The following LAMA3 variants were observed in gnomAD, a reference collection of about 807,000 sequenced individuals.
LAMA3 encodes the protein laminin subunit alpha-3.
In LAMA3, 281 loss-of-function variants were observed where a neutral mutation model predicts 402.0. The ratio of observed to expected loss-of-function variants is 0.70; its 90% CI spans 0.63 to 0.77. LAMA3 has a LOEUF of 0.77. LAMA3 is among the 30% of genes least tolerant of loss of function. LAMA3 has a pLI of 0.00. For missense variants in LAMA3, 3,840 were observed against 4,215.5 expected, an observed-to-expected ratio of 0.91 and a Z score of 2.47; for synonymous variants, 1,431 against 1,558.4, an observed-to-expected ratio of 0.92 and a Z score of 1.93.
At chr18:23,884,886 A>G in intron 41 of LAMA3, 33 bp downstream of exon 41, 1 of 1,554,680 alleles carries the variant, frequency 6.4e-7, no homozygotes, top group Non-Finnish European at 8.8e-7. Flanking sequence ...CTCAGCCTGC[A>G]GAGGGGGCGG....
At chr18:23,819,757 T>C in intron 18 of LAMA3, 84 bp from the exon 19 acceptor site, 3 of 1,208,456 alleles carry the variant, frequency 2.5e-6, no homozygotes, top group Non-Finnish European at 3.7e-6. Flanking sequence ...TGGAGTTCTT[T>C]CATAGTAACT....
At chr18:23,938,199 T>G (rs1247967183) in intron 67 of LAMA3, among the ~76,000 whole-genome samples, 1 of 152,162 alleles carries the variant, frequency 6.6e-6, no homozygotes, top group Non-Finnish European at 1.5e-5. Flanking sequence ...CGCCTTCAGC[T>G]TCCTCTCAGG....
At chr18:23,888,288 T>G in intron 41 of LAMA3, among the ~76,000 whole-genome samples, 1 of 152,234 alleles carries the variant, frequency 6.6e-6, no homozygotes, top group Middle Eastern at 3.2e-3. Flanking sequence ...TTTCAAATGA[T>G]GCCAATTAGA....
Position 23,861,713 on chromosome 18 carries a change from C to T in LAMA3, c.4490C>T (p.Pro1497Leu). The T allele has an allele frequency of 6.2e-7, 1 of 1,614,174 alleles. No homozygotes were observed. Among genetic ancestry groups the T allele is most frequent in the South Asian group, 1.1e-5 (1 of 91,078 alleles). Residue 1497 changes from proline to leucine, a missense_variant, in exon 35 of 75, where the codon CCA becomes CTA. Physicochemically the swap from Pro to Leu is moderately conservative, Grantham distance 98. This residue lies in a region of LAMA3 where 2,109 missense variants were observed against 2,376.0 expected (regional missense o/e 0.89). Transcript: ENST00000313654. ...DRVDIPVSFN[P>L]GSNSMVADLQ... is the part of the protein sequence containing the mutation. The stretch of plus-strand genomic sequence containing the variant: ...GTGGACATCCCTGTCTCTTTCAACC[C>T]AGGCAGCAACAGTATGGTGGCGGAT...
chr18:23,795,334 C>A (rs560725512), intron 12 of LAMA3, among the ~76,000 whole-genome samples: 19 of 152,174 alleles, frequency 1.2e-4, no homozygotes, highest in African/African-American at 3.9e-4. Flanking sequence ...GAATGAAGGG[C>A]AAACAAGCTA....
chr18:23,726,037 T>A (rs1227205106), intron 2 of LAMA3, among the ~76,000 whole-genome samples: 2 of 152,180 alleles, frequency 1.3e-5, no homozygotes, highest in African/African-American at 4.8e-5. Flanking sequence ...TTCAGTTCTT[T>A]CCCCTCCCTT....
chr18:23,919,799 C>T (rs1392346470), intron 60 of LAMA3, among the ~76,000 whole-genome samples: 4 of 151,668 alleles, frequency 2.6e-5, no homozygotes, highest in African/African-American at 9.7e-5. Flanking sequence ...AGGGCTTCAT[C>T]CTGACAGCCG....
At chr18:23,819,559 A>G (rs1023125552) in intron 18 of LAMA3, among the ~76,000 whole-genome samples, 4 of 152,226 alleles carry the variant, frequency 2.6e-5, no homozygotes, top group African/African-American at 9.6e-5. Flanking sequence ...GTTGGCAACT[A>G]TTTAGAACAT....
chr18:23,929,584 G>A (rs1342853574), intron 64 of LAMA3, among the ~76,000 whole-genome samples: 1 of 151,990 alleles, frequency 6.6e-6, no homozygotes, highest in Non-Finnish European at 1.5e-5. Context: ...CCCTCTCTTG[G>A]TGGCTGACTC....
intron 11 of LAMA3, among the ~76,000 whole-genome samples, chr18:23,779,279 G>GGAGAA (rs147832351): frequency 1.3e-4 from 20 of 151,576 alleles, no homozygotes; most frequent in East Asian, 3.9e-4. Context: ...GAAAATCTCA[G>GGAGAA]GAGAAGAGAA....
In LAMA3 at chr18:23,690,776, ATT is replaced by A. The variant is rs34003789; in HGVS notation, c.294+816_294+817del. Reference sequence around the variant, plus strand: ...CAGGCGTGCCCCCCCGTGCCTGGCAATTTTTTTTTTTTTTTTTTGAGACAGAG... The same window carrying A: ...CAGGCGTGCCCCCCCGTGCCTGGCAATTTTTTTTTTTTTTTTGAGACAGAG... On this transcript the variant is annotated intron_variant, in intron 1 of 74. Transcript: ENST00000313654. Among the ~76,000 whole-genome samples, 619 of 128,078 alleles carry A rather than the reference ATT, an allele frequency of 4.8e-3. 6 individuals are homozygous for A. Among genetic ancestry groups the A allele is most frequent in the Middle Eastern group, 0.016 (4 of 246 alleles). The allele number at this position is 128,078 out of a possible 152,430, so 84.0% of individuals were successfully genotyped here.
intron 2 of LAMA3, among the ~76,000 whole-genome samples, chr18:23,747,273 C>T (rs2061668627): frequency 6.6e-6 from 1 of 152,298 alleles, no homozygotes; most frequent in South Asian, 2.1e-4. Flanking sequence ...GGGATTCACA[C>T]ATGAGGCACC....
intron 39 of LAMA3, 99 bp downstream of exon 39, chr18:23,876,506 A>T (rs2064719881): frequency 3.9e-6 from 3 of 773,162 alleles, no homozygotes; most frequent in Non-Finnish European, 6.9e-6. Context: ...TCTCCCGCCA[A>T]ACCCTAAATA....
intron 54 of LAMA3, among the ~76,000 whole-genome samples, chr18:23,908,384 G>A (rs1209496626): frequency 1.3e-5 from 2 of 151,868 alleles, no homozygotes; most frequent in Non-Finnish European, 2.9e-5. Flanking sequence ...CAAAAAATTA[G>A]CCAGGCGTGG....
intron 11 of LAMA3, among the ~76,000 whole-genome samples, chr18:23,778,045 C>G (rs991115180): frequency 1.3e-5 from 2 of 152,076 alleles, no homozygotes; most frequent in Non-Finnish European, 2.9e-5. Flanking sequence ...AGTTATCTGC[C>G]ATTAGTGGAG....
rs758375148 is a variant in LAMA3, at chr18:23,914,509, T to C, written c.7429T>C (p.Leu2477=). 1 of 1,614,154 alleles carries C rather than the reference T, an allele frequency of 6.2e-7. No homozygotes were observed. The highest frequency in any genetic ancestry group is 8.5e-7 in the Non-Finnish European group (1 of 1,180,014). The change falls in exon 57 of 75, where the codon TTG becomes CTG. Residue 2477 remains leucine, a synonymous_variant. Coordinates refer to ENST00000313654, the MANE Select transcript of LAMA3 (RefSeq NM_198129.4). ...GGCTGAACTCCAAGTGGACCAGATCTTGACCAAGAGTGAGACTAAGGAGGC... is the reference window on the plus strand; with the variant it reads ...GGCTGAACTCCAAGTGGACCAGATCCTGACCAAGAGTGAGACTAAGGAGGC... The part of the protein sequence containing the change: ...REAELQVDQI[L]TKSETKEAVM...
In LAMA3 at chr18:23,899,445, G is replaced by A. The variant is rs774976528; in HGVS notation, c.5994G>A (p.Glu1998=). The change falls in exon 47 of 75, where the codon GAG becomes GAA. Residue 1998 remains glutamate (E), a synonymous_variant. Transcript: ENST00000313654. ...GAGAAGCAGAAGCTGATAAAAGGGA[G>A]TCGCAGCTCTGTAAGAATGCTCCCA... ...HLREAEADKR[E]SQLLLNRIRT... 3.1e-6 allele frequency: 5 copies of A among 1,614,062 alleles called. No homozygotes were observed. Among genetic ancestry groups the A allele is most frequent in the Non-Finnish European group, 4.2e-6 (5 of 1,179,948 alleles).
chr18:23,904,450 AAAAG>A (rs1325397609), intron 50 of LAMA3, 99 bp from the exon 51 acceptor site: 22 of 1,302,154 alleles, frequency 1.7e-5, no homozygotes, highest in East Asian at 2.5e-5. Context: ...TTAAAAAAAA[AAAAG>A]AAAGAAAAAA....
chr18:23,893,973 T>C (rs576005784), intron 42 of LAMA3, among the ~76,000 whole-genome samples: 1 of 152,192 alleles, frequency 6.6e-6, no homozygotes, highest in East Asian at 1.9e-4. Flanking sequence ...TTGACCTTTG[T>C]AGTGAAGGAA....
Sources: allele counts gnomAD v4.1 joint callset (sites outside exome capture counted in the v4.1 genomes callset), GRCh38; gene constraint gnomAD v4.1.1; regional missense constraint gnomAD v4.1.1; transcripts MANE v1.5; gene names NCBI Gene and HGNC (gene_info 2026-07-23, HGNC 2026-07-21).